Variants in MALRD1 observed in about 807,000 individuals in gnomAD.
The protein encoded by MALRD1 is MAM and LDL-receptor class A domain-containing protein 1.
In MALRD1, 247 loss-of-function variants were observed where a neutral mutation model predicts 242.1. That is an observed-to-expected ratio of 1.02 (90% confidence interval 0.92 to 1.13). MALRD1 has a LOEUF of 1.13. Among genes scored for constraint, MALRD1 ranks in the 50% most tolerant of loss-of-function variants. The pLI is 0.00. For synonymous variants in MALRD1, 995 were observed against 866.6 expected (o/e 1.15, Z -2.60); for missense variants, 2,989 against 2,533.1 (o/e 1.18, Z -3.86).
At chr10:19,612,590 A>C (rs1838949316) in intron 35 of MALRD1, among the ~76,000 whole-genome samples, 3 of 151,798 alleles carry the variant, frequency 2.0e-5, no homozygotes, top group Non-Finnish European at 4.4e-5. Flanking sequence ...CACTGCTATA[A>C]AGACATACCT....
At chr10:19,620,960 G>T (rs1265964501) in intron 36 of MALRD1, among the ~76,000 whole-genome samples, 2 of 148,814 alleles carry the variant, frequency 1.3e-5, no homozygotes, top group African/African-American at 5.0e-5. Context: ...ATACTAAAAA[G>T]AAATTTCTCT....
At chr10:19,611,721 T>C (rs1838907803) in intron 35 of MALRD1, among the ~76,000 whole-genome samples, 1 of 152,038 alleles carries the variant, frequency 6.6e-6, no homozygotes, top group Non-Finnish European at 1.5e-5. Flanking sequence ...CCATTTCATT[T>C]GCTCTCTCCT....
In MALRD1 at chr10:19,095,386, G is replaced by A. The variant is rs192075530; in HGVS notation, c.597+7201G>A. 4.9e-3 allele frequency among the ~76,000 whole-genome samples: 752 copies of A among 152,236 alleles called. 22 individuals carry two copies. The highest frequency in any genetic ancestry group is 1.0e-3 in the Non-Finnish European group (68 of 68,022). On this transcript the variant is annotated intron_variant, in intron 4 of 39. Transcript: ENST00000454679. ...TGGTTAAATGACACCCGTATGGCAC[G>A]ACTTCAGAGAAACTCCCATTGGAAA...
intron 28 of MALRD1, among the ~76,000 whole-genome samples, chr10:19,399,696 A>G (rs1183108231): frequency 6.6e-6 from 1 of 152,210 alleles, no homozygotes; most frequent in Non-Finnish European, 1.5e-5. Context: ...AATATACAAA[A>G]CAATACCATT....
At chr10:19,490,858 A>G (rs1837460805) in intron 29 of MALRD1, among the ~76,000 whole-genome samples, 2 of 152,218 alleles carry the variant, frequency 1.3e-5, no homozygotes. Context: ...AAAAATTTGC[A>G]TAAAATAGTG....
At chr10:19,379,715 G>GA (rs1430096543) in intron 26 of MALRD1, among the ~76,000 whole-genome samples, 3 of 152,048 alleles carry the variant, frequency 2.0e-5, no homozygotes, top group Non-Finnish European at 4.4e-5. Context: ...TCCAGCTAGT[G>GA]ACTATTTCAC....
chr10:19,405,976 A>G (rs1290576248), intron 28 of MALRD1, among the ~76,000 whole-genome samples: 1 of 152,120 alleles, frequency 6.6e-6, no homozygotes, highest in Non-Finnish European at 1.5e-5. Flanking sequence ...GTGACAAAAG[A>G]TCACTGGTCA....
intron 14 of MALRD1, among the ~76,000 whole-genome samples, chr10:19,176,270 G>A (rs1835227056): frequency 6.6e-6 from 1 of 151,508 alleles, no homozygotes; most frequent in South Asian, 2.1e-4. Flanking sequence ...AAAAATTTGG[G>A]TCACATGATT....
chr10:19,060,596 C>T (rs1004142408), intron 1 of MALRD1, among the ~76,000 whole-genome samples: 2 of 152,132 alleles, frequency 1.3e-5, no homozygotes, highest in Non-Finnish European at 2.9e-5. Flanking sequence ...TGGAGTTAAG[C>T]CTATGCCCTC....
intron 18 of MALRD1, among the ~76,000 whole-genome samples, chr10:19,211,865 C>G (rs570978567): frequency 6.6e-6 from 1 of 152,040 alleles, no homozygotes; most frequent in South Asian, 2.1e-4. Flanking sequence ...ATGGAATTAC[C>G]AGCAGATAGG....
rs768358007 is a variant in MALRD1 at position 19,389,526 on chromosome 10, C to T, written c.4762C>T (p.Arg1588Ter). ...AGCACACTTCAGGAGTACCATGTGG[C>T]GAGAATCCAGTGCAGCCTGCACCAT... ...DKAHFRSTMW[R>*]ESSAACTMSF... The change falls in exon 28 of 40, where the codon CGA (arginine) becomes TGA (stop). Residue 1588 changes from arginine (R) to a stop codon, truncating the protein, a stop_gained. Transcript: ENST00000454679. LOFTEE classifies it high-confidence loss of function. The T allele has an allele frequency of 5.5e-5, 86 of 1,550,584 alleles. No individual in the cohort carries two copies. Among genetic ancestry groups the T allele is most frequent in the Middle Eastern group, 3.3e-4 (2 of 5,992 alleles).
At chr10:19,717,364 T>C (rs571586009) in intron 38 of MALRD1, among the ~76,000 whole-genome samples, 1 of 152,334 alleles carries the variant, frequency 6.6e-6, no homozygotes, top group South Asian at 2.1e-4. Context: ...CAAAGTCATT[T>C]TGAGGTATAA....
intron 33 of MALRD1, among the ~76,000 whole-genome samples, chr10:19,577,165 T>C (rs1836872177): frequency 6.6e-6 from 1 of 152,182 alleles, no homozygotes; most frequent in Admixed American, 6.5e-5. Context: ...CAGTTAGTGA[T>C]TCATAAGGCC....
chr10:19,252,874 AG>A (rs1839356343), intron 18 of MALRD1, among the ~76,000 whole-genome samples: 1 of 152,036 alleles, frequency 6.6e-6, no homozygotes, highest in Admixed American at 6.6e-5. Flanking sequence ...GATTGGTTTC[AG>A]GGTTGTGTAA....
chr10:19,524,384 C>T (rs548918178), intron 31 of MALRD1, among the ~76,000 whole-genome samples: 9 of 151,450 alleles, frequency 5.9e-5, no homozygotes, highest in Non-Finnish European at 8.8e-5. Flanking sequence ...GGCTGAGGCA[C>T]GAGAATCACT....
intron 18 of MALRD1, among the ~76,000 whole-genome samples, chr10:19,242,791 C>G (rs7915655): frequency 0.012 from 1,820 of 152,102 alleles, 35 homozygotes; most frequent in African/African-American, 0.04. Context: ...ATTTTTCCAT[C>G]TCTTCACTTT....
chr10:19,181,323 T>G (rs72792603), intron 14 of MALRD1, among the ~76,000 whole-genome samples: 9,964 of 152,250 alleles, frequency 0.065, 431 homozygotes, highest in Middle Eastern at 0.11. Context: ...TGTCTGTTGA[T>G]GTACAGATAG....
chr10:19,605,533 C>T (rs988674963), intron 34 of MALRD1, among the ~76,000 whole-genome samples: 1 of 148,698 alleles, frequency 6.7e-6, no homozygotes, highest in Non-Finnish European at 1.5e-5. Context: ...CTTATCCAAC[C>T]TCCCTAGTCA....
intron 2 of MALRD1, among the ~76,000 whole-genome samples, chr10:19,073,197 G>A (rs976919405): frequency 9.2e-5 from 14 of 152,098 alleles, no homozygotes; most frequent in African/African-American, 2.7e-4. Flanking sequence ...TTACAGGCGT[G>A]AGCCACCACA....
Sources: allele counts gnomAD v4.1 joint callset (sites outside exome capture counted in the v4.1 genomes callset), GRCh38; gene constraint gnomAD v4.1.1; transcripts MANE v1.5; gene names NCBI Gene and HGNC (gene_info 2026-07-23, HGNC 2026-07-21).